Variants in KYNU observed in about 807,000 individuals in gnomAD.
KYNU encodes kynureninase.
In KYNU, 54 loss-of-function variants were observed where a neutral mutation model predicts 59.2. The ratio of observed to expected loss-of-function variants is 0.91; its 90% confidence interval spans 0.73 to 1.14. The LOEUF (loss-of-function observed/expected upper bound fraction) is 1.14. Ranked by LOEUF, KYNU falls within the 50% of genes most tolerant of loss-of-function variation. KYNU has a pLI of 0.00. For missense variants in KYNU, 567 were observed against 554.4 expected, an observed-to-expected ratio of 1.02 and a Z score of -0.23; for synonymous variants, 177 against 192.0, an observed-to-expected ratio of 0.92 and a Z score of 0.65.
intron 2 of KYNU, among the ~76,000 whole-genome samples, chr2:142,905,995 ATCTCTG>A (rs1403425701): frequency 6.7e-6 from 1 of 148,486 alleles, no homozygotes; most frequent in African/African-American, 2.5e-5. Context: ...TCTCTCTCTC[ATCTCTG>A]TCTCTCTCTC....
chr2:143,016,195 T>TA (rs1220681966), intron 10 of KYNU, among the ~76,000 whole-genome samples: 1 of 152,240 alleles, frequency 6.6e-6, no homozygotes, highest in Non-Finnish European at 1.5e-5. Flanking sequence ...TCAAGTTTAT[T>TA]ACTATCATGT....
intron 2 of KYNU, among the ~76,000 whole-genome samples, chr2:142,894,442 G>C (rs1025891708): frequency 6.6e-6 from 1 of 152,082 alleles, no homozygotes; most frequent in African/African-American, 2.4e-5. Context: ...ATAGTAAAAA[G>C]AATATACTTT....
chr2:142,959,325 G>A (rs997498974), intron 7 of KYNU, among the ~76,000 whole-genome samples: 5 of 152,128 alleles, frequency 3.3e-5, no homozygotes, highest in African/African-American at 7.2e-5. Flanking sequence ...AGTGGCTCAC[G>A]CCTGTAATCC....
At chr2:142,939,389 G>T (rs565342240) in intron 4 of KYNU, among the ~76,000 whole-genome samples, 3 of 151,986 alleles carry the variant, frequency 2.0e-5, no homozygotes, top group African/African-American at 4.8e-5. Flanking sequence ...AGATCACAAG[G>T]TCAGGAGTTC....
intron 10 of KYNU, among the ~76,000 whole-genome samples, chr2:142,997,246 CA>C (rs1685570899): frequency 6.6e-6 from 1 of 152,120 alleles, no homozygotes; most frequent in South Asian, 2.1e-4. Flanking sequence ...CTAAACAAAA[CA>C]AGATTTGTGG....
At chr2:142,910,811 C>A (rs554440530) in intron 2 of KYNU, among the ~76,000 whole-genome samples, 3 of 152,288 alleles carry the variant, frequency 2.0e-5, no homozygotes, top group Admixed American at 2.0e-4. Context: ...TATCCCAGCA[C>A]CACCTATTGA....
At chr2:142,898,684 C>T (rs552762200) in intron 2 of KYNU, among the ~76,000 whole-genome samples, 15 of 152,246 alleles carry the variant, frequency 9.9e-5, no homozygotes, top group African/African-American at 3.1e-4. Flanking sequence ...GACGCTCTTA[C>T]CTGTGGGTCT....
chr2:142,984,767 G>T (rs966970383), intron 8 of KYNU, among the ~76,000 whole-genome samples: 1 of 152,034 alleles, frequency 6.6e-6, no homozygotes, highest in Non-Finnish European at 1.5e-5. Flanking sequence ...ATGACTACTA[G>T]TACAGTTCGG....
At chr2:142,888,814 A>G (rs964543986) in intron 2 of KYNU, among the ~76,000 whole-genome samples, 1 of 150,380 alleles carries the variant, frequency 6.6e-6, no homozygotes, top group South Asian at 2.1e-4. Context: ...CTTCTGTCAG[A>G]ACGGTTCAGA....
chr2:142,973,990 T>G (rs1318910694), intron 8 of KYNU, among the ~76,000 whole-genome samples: 2 of 152,214 alleles, frequency 1.3e-5, no homozygotes, highest in East Asian at 1.9e-4. Context: ...AGTATACTTA[T>G]GTATGCTCCA....
chr2:142,908,516 C>A (rs551266372), intron 2 of KYNU, among the ~76,000 whole-genome samples: 1 of 151,006 alleles, frequency 6.6e-6, no homozygotes, highest in African/African-American at 2.4e-5. Flanking sequence ...AAAAAATATG[C>A]CTATATTAGA....
At chr2:142,912,387 T>TTTC (rs1553475881) in intron 2 of KYNU, among the ~76,000 whole-genome samples, 14 of 139,300 alleles carry the variant, frequency 1.0e-4, no homozygotes, top group Non-Finnish European at 1.7e-4. Flanking sequence ...TTTTTTTTTT[T>TTTC]TTTTTTTTTG....
intron 10 of KYNU, among the ~76,000 whole-genome samples, chr2:143,012,571 A>G (rs1473509827): frequency 6.6e-6 from 1 of 151,872 alleles, no homozygotes; most frequent in South Asian, 2.1e-4. Flanking sequence ...TATTTTTCAT[A>G]TTTTTGTTTT....
chr2:143,013,981 G>C (rs991037424), intron 10 of KYNU, among the ~76,000 whole-genome samples: 2 of 152,196 alleles, frequency 1.3e-5, no homozygotes, highest in African/African-American at 4.8e-5. Flanking sequence ...CTTGGGGTCT[G>C]TCAGTCACTT....
chr2:142,886,958 C>T (rs1409860781), intron 2 of KYNU, among the ~76,000 whole-genome samples: 1 of 152,160 alleles, frequency 6.6e-6, no homozygotes, highest in Non-Finnish European at 1.5e-5. Context: ...GTCACGAGGT[C>T]AGGAGATTGA....
At chr2:142,959,858 A>G (rs1033270967) in intron 7 of KYNU, among the ~76,000 whole-genome samples, 7 of 152,204 alleles carry the variant, frequency 4.6e-5, no homozygotes, top group Non-Finnish European at 7.3e-5. Flanking sequence ...TTAATCTAAT[A>G]GAAGATATTG....
chr2:143,002,290 T>C (rs1308288139), intron 10 of KYNU, among the ~76,000 whole-genome samples: 1 of 152,248 alleles, frequency 6.6e-6, no homozygotes, highest in Non-Finnish European at 1.5e-5. Flanking sequence ...AAAGCACTTT[T>C]GTAACTTCAG....
chr2:142,878,971 T>A (rs1353021183), intron 1 of KYNU, among the ~76,000 whole-genome samples: 1 of 152,242 alleles, frequency 6.6e-6, no homozygotes, highest in Non-Finnish European at 1.5e-5. Flanking sequence ...ATGGTATGTA[T>A]GTCCCCCGTC....
At chr2:142,953,113 A>G (rs1684044426) in intron 4 of KYNU, among the ~76,000 whole-genome samples, 1 of 152,216 alleles carries the variant, frequency 6.6e-6, no homozygotes, top group Admixed American at 6.5e-5. Context: ...GGCCCAAGTA[A>G]GAGACTGATA....
Sources: gnomAD v4.1 joint callset for allele counts (sites outside exome capture counted in the v4.1 genomes callset) on GRCh38, gnomAD v4.1.1 for gene constraint, MANE v1.5 for transcripts, NCBI Gene and HGNC (gene_info 2026-07-23, HGNC 2026-07-21) for gene names.